The following MEF2C variants were observed in gnomAD, a reference collection of about 807,000 sequenced individuals.
The protein encoded by MEF2C is myocyte-specific enhancer factor 2C.
In MEF2C, 6 loss-of-function variants were observed where a neutral mutation model predicts 50.5. The observed-to-expected ratio is 0.12, with a 90% CI of 0.07 to 0.23. MEF2C has a LOEUF of 0.23. Among genes scored for constraint, MEF2C ranks in the 10% least tolerant of loss-of-function variants. The probability of loss-of-function intolerance (pLI) is 1.00; values close to 1 mark genes in which losing one functional copy is unlikely to be tolerated. For synonymous variants in MEF2C, 183 were observed against 228.0 expected (o/e 0.80, Z 1.78); for missense variants, 276 against 605.0 (o/e 0.46, Z 5.70).
At chr5:88,874,054 G>C (rs1245247318) in intron 1 of MEF2C, among the ~76,000 whole-genome samples, 2 of 151,640 alleles carry the variant, frequency 1.3e-5, no homozygotes, top group Admixed American at 6.6e-5. Flanking sequence ...ACTTAATAAG[G>C]CTCCTCAAAT....
rs536386726 is a variant in MEF2C at position 88,799,583 on chromosome 5, G to A, written c.258+5015C>T. ...TTAGTATTTTCACTAAACTATGTAAGAGCACTTAGCTCGTTGATAACTTTC... is the reference window on the plus strand; with the variant it reads ...TTAGTATTTTCACTAAACTATGTAAAAGCACTTAGCTCGTTGATAACTTTC... On this transcript the variant is annotated intron_variant, in intron 3 of 10. Coordinates refer to ENST00000504921, the MANE Select transcript of MEF2C (RefSeq NM_002397.5). 1.8e-4 allele frequency among the ~76,000 whole-genome samples: 27 copies of A among 152,230 alleles called. No individual in the cohort carries two copies. In the South Asian group the frequency reaches 5.6e-3, roughly 32 times the overall value.
At chr5:88,894,820 G>A (rs1834947744) in intron 1 of MEF2C, among the ~76,000 whole-genome samples, 1 of 152,122 alleles carries the variant, frequency 6.6e-6, no homozygotes, top group African/African-American at 2.4e-5. Flanking sequence ...AATAGTTATA[G>A]ATCATGTATA....
chr5:88,746,217 T>G (rs1172546391), intron 6 of MEF2C, among the ~76,000 whole-genome samples: 2 of 152,168 alleles, frequency 1.3e-5, no homozygotes, highest in Non-Finnish European at 2.9e-5. Flanking sequence ...TGAAGCAGGA[T>G]GCAATATAAA....
At chr5:88,729,580 T>G (rs1760515758) in intron 8 of MEF2C, 1 of 486,606 alleles carries the variant, frequency 2.1e-6, no homozygotes, top group East Asian at 4.0e-5. Context: ...ACTGAACTAG[T>G]AACAAGTACC....
intron 1 of MEF2C, among the ~76,000 whole-genome samples, chr5:88,852,778 G>A (rs940653729): frequency 1.3e-5 from 2 of 152,164 alleles, no homozygotes; most frequent in Non-Finnish European, 2.9e-5. Context: ...AGCTGGGCAC[G>A]ATGGTGCACA....
chr5:88,729,267 T>A lies in MEF2C; in HGVS notation c.915A>T (p.Gly305=). ...CTGATGGATATCCTCCCATTCCTTG[T>A]CCTGGTAAAGTAGGAGTTGCTACGG... The part of the protein sequence containing the change: ...VVSVATPTLP[G]QGMGGYPSAI... The change falls in exon 9 of 11, where the codon GGA becomes GGT. Residue 305 remains glycine (G), a synonymous_variant. Transcript: ENST00000504921. 6.2e-7 allele frequency: 1 copy of A among 1,613,296 alleles called. No homozygotes were observed. Among genetic ancestry groups the A allele is most frequent in the Non-Finnish European group, 8.5e-7 (1 of 1,179,466 alleles).
chr5:88,849,711 A>G (rs1024500869), intron 1 of MEF2C, among the ~76,000 whole-genome samples: 1 of 152,218 alleles, frequency 6.6e-6, no homozygotes, highest in Admixed American at 6.5e-5. Context: ...AGTATACTCT[A>G]GATCCATTTT....
intron 3 of MEF2C, among the ~76,000 whole-genome samples, chr5:88,796,527 T>C (rs1052782142): frequency 6.6e-6 from 1 of 152,182 alleles, no homozygotes; most frequent in African/African-American, 2.4e-5. Context: ...TTCTCTCTCT[T>C]CTTTTTTATT....
At chr5:88,780,642 G>A (rs190554601) in intron 3 of MEF2C, 32 of 552,348 alleles carry the variant, frequency 5.8e-5, no homozygotes, top group Non-Finnish European at 6.9e-5. Context: ...AGATACTTAA[G>A]TTTCACCCTA....
intron 3 of MEF2C, chr5:88,772,723 C>T (rs966705747): frequency 2.0e-6 from 2 of 985,180 alleles, no homozygotes; most frequent in Admixed American, 1.2e-4. Flanking sequence ...ATTTCTCCCT[C>T]TTCCTAATAA....
chr5:88,890,733 T>C (rs1207773377), intron 1 of MEF2C, among the ~76,000 whole-genome samples: 1 of 152,236 alleles, frequency 6.6e-6, no homozygotes, highest in African/African-American at 2.4e-5. Context: ...GGAGTTTCTG[T>C]TACTTGGCAC....
intron 3 of MEF2C, among the ~76,000 whole-genome samples, chr5:88,795,055 A>G (rs1182911098): frequency 1.3e-5 from 2 of 152,140 alleles, no homozygotes; most frequent in Non-Finnish European, 2.9e-5. Flanking sequence ...GCCTTGTGGT[A>G]TAGTTTGAAG....
At chr5:88,863,087 C>T (rs1826030554) in intron 1 of MEF2C, among the ~76,000 whole-genome samples, 1 of 152,216 alleles carries the variant, frequency 6.6e-6, no homozygotes, top group Admixed American at 6.5e-5. Flanking sequence ...GGATTTGACT[C>T]ATCATTTAAG....
At chr5:88,874,483 T>C (rs568776586) in intron 1 of MEF2C, among the ~76,000 whole-genome samples, 2 of 152,050 alleles carry the variant, frequency 1.3e-5, no homozygotes, top group East Asian at 3.9e-4. Flanking sequence ...CAAAACAAAG[T>C]TTAACATCTT....
chr5:88,751,556 G>A (rs1156986528), intron 5 of MEF2C: 2 of 982,742 alleles, frequency 2.0e-6, no homozygotes, highest in African/African-American at 1.7e-5. Flanking sequence ...ACGAGCAGAA[G>A]TAAAAGTGTG....
At chr5:88,727,832 G>C (rs1759567840) in intron 10 of MEF2C, among the ~76,000 whole-genome samples, 1 of 151,886 alleles carries the variant, frequency 6.6e-6, no homozygotes, top group African/African-American at 2.4e-5. Flanking sequence ...CTTTTTAAAG[G>C]TTTGAACGTT....
intron 1 of MEF2C, chr5:88,826,944 TAC>T (rs1811138314): frequency 6.6e-6 from 1 of 151,518 alleles, no homozygotes; most frequent in Non-Finnish European, 1.5e-5. Flanking sequence ...CTACTATAGT[TAC>T]ACTCTATAGA....
chr5:88,901,986 T>C (rs1320134641), intron 1 of MEF2C, among the ~76,000 whole-genome samples: 1 of 151,822 alleles, frequency 6.6e-6, no homozygotes, highest in African/African-American at 2.4e-5. Flanking sequence ...GGTTTGCTTA[T>C]ACTTAATGAC....
chr5:88,856,845 C>T (rs1823593716), intron 1 of MEF2C, among the ~76,000 whole-genome samples: 1 of 152,218 alleles, frequency 6.6e-6, no homozygotes, highest in Non-Finnish European at 1.5e-5. Context: ...GGGGTGGAAC[C>T]CTCATGGAGC....
Sources: allele counts gnomAD v4.1 joint callset (sites outside exome capture counted in the v4.1 genomes callset), GRCh38; gene constraint gnomAD v4.1.1; transcripts MANE v1.5; gene names NCBI Gene and HGNC (gene_info 2026-07-23, HGNC 2026-07-21).